Variants in EPS8L1 observed in about 807,000 individuals in gnomAD.
The protein encoded by EPS8L1 is EPS8 signaling adaptor L1.
Under a neutral mutation model 91.7 loss-of-function variants are expected in EPS8L1, and 101 were observed. That is an observed-to-expected ratio of 1.10 (90% CI 0.94 to 1.30). The LOEUF (loss-of-function observed/expected upper bound fraction) is 1.30. EPS8L1 is among the 50% of genes most tolerant of loss of function. The probability of loss-of-function intolerance (pLI) is 0.00; values close to 1 mark genes in which losing one functional copy is unlikely to be tolerated. For missense variants in EPS8L1, 1,114 were observed against 1,017.0 expected (o/e 1.10, Z -1.30); for synonymous variants, 506 against 445.3 (o/e 1.14, Z -1.72).
In EPS8L1 at chr19:55,081,704, G is replaced by A; in HGVS notation, c.775-69G>A. ...TCTGGGGAAGTGTATAGGTGCTCAG[G>A]TTCAGGGCTTCGACGGGGATGGTTT... On this transcript the variant is annotated intron_variant, in intron 8 of 19. Transcript: ENST00000201647. The surrounding 1 kb of genome is among the most constrained non-coding windows in gnomAD (Gnocchi z 4.9). The A allele has an allele frequency of 6.5e-7, 1 of 1,549,150 alleles. No homozygotes were observed. Among genetic ancestry groups the A allele is most frequent in the Non-Finnish European group, 8.7e-7 (1 of 1,145,942 alleles).
intron 11 of EPS8L1, 35 bp downstream of exon 11, chr19:55,082,384 A>C (rs1483686255): frequency 6.2e-7 from 1 of 1,612,448 alleles, no homozygotes; most frequent in African/African-American, 1.3e-5. Context: ...GCCCCCCTGC[A>C]GCGGGAGGAA....
intron 14 of EPS8L1, chr19:55,084,004 G>C (rs1176759976): frequency 3.8e-6 from 2 of 530,368 alleles, no homozygotes; most frequent in Non-Finnish European, 6.8e-6. Flanking sequence ...CCATGCCTGG[G>C]CTCCCTAGGA....
rs773912728 is a variant in EPS8L1, at chr19:55,079,030, G to A, written c.90G>A (p.Met30Ile). Residue 30 changes from methionine to isoleucine, a missense_variant, in exon 4 of 20, where the codon ATG becomes ATA. By Grantham distance (10) the Met-to-Ile change is conservative. Coordinates refer to ENST00000201647, the MANE Select transcript of EPS8L1 (RefSeq NM_133180.3). ...GGAAGCGTTACTCCACAGTTGTTAT[G>A]GCTGATGTATCCCAGTACCCAGTCA... ...EQRKRYSTVV[M>I]ADVSQYPVNH... The A allele has an allele frequency of 3.1e-6, 5 of 1,614,036 alleles. No homozygotes were observed. The South Asian group carries it at 4.4e-5, about 14-fold the overall frequency.
Position 55,083,456 on chromosome 19 carries a change from G to T in EPS8L1, c.1293G>T (p.Pro431=). The part of the protein sequence containing the change: ...FSGWEPPVTD[P]QSRAWEDPVE... Reference sequence around the variant, plus strand: ...GCTGGGAGCCGCCGGTCACTGACCCGCAGAGCCGCGCCTGGGAGGACCCAG... The same window carrying T: ...GCTGGGAGCCGCCGGTCACTGACCCTCAGAGCCGCGCCTGGGAGGACCCAG... The change falls in exon 13 of 20, where the codon CCG becomes CCT. Residue 431 remains proline, a synonymous_variant. Transcript: ENST00000201647. This position sits in a 1 kb window ranked among gnomAD's most constrained non-coding sequence, Gnocchi z 4.7. 1.9e-6 allele frequency: 3 copies of T among 1,612,506 alleles called. No individual in the cohort carries two copies. The highest frequency in any genetic ancestry group is 2.2e-5 in the South Asian group (2 of 91,038).
At position 55,081,612 on chromosome 19, in the gene EPS8L1, A is replaced by C. The variant is rs558496438; in HGVS notation, c.774+120A>C. ...CTCTGGTCAGACTTCTGCGTTATGG[A>C]AGAGGGGCTGGGTCGGGGGCGGGGC... is the stretch of plus-strand genomic sequence containing the variant. On this transcript the variant is annotated intron_variant, in intron 8 of 19. Transcript: ENST00000201647. This position sits in a 1 kb window ranked among gnomAD's most constrained non-coding sequence, Gnocchi z 4.9. The C allele has an allele frequency of 5.4e-5, 23 of 427,640 alleles. No individual in the cohort carries two copies. The highest frequency in any genetic ancestry group is 1.7e-3 in the Middle Eastern group (2 of 1,196). 26.5% of individuals were successfully genotyped at this position (427,640 alleles called of 1,614,324 possible).
At position 55,081,895 on chromosome 19, in the gene EPS8L1, TG is replaced by T. The variant is rs781169507; in HGVS notation, c.901+1del. 20 of 1,607,866 alleles carry T rather than the reference TG, an allele frequency of 1.2e-5. No individual in the cohort carries two copies. Among genetic ancestry groups the T allele is most frequent in the Non-Finnish European group, 1.6e-5 (19 of 1,176,534 alleles). On this transcript the variant is annotated frameshift_variant, in exon 9 of 20. Coordinates refer to ENST00000201647, the MANE Select transcript of EPS8L1 (RefSeq NM_133180.3). LOFTEE classifies it high-confidence loss of function. This position sits in a 1 kb window ranked among gnomAD's most constrained non-coding sequence, Gnocchi z 4.9. ...RGRRSRRRAA[G>X]EGLLTLRAKP... is the part of the protein sequence containing the mutation. The stretch of plus-strand genomic sequence containing the variant: ...GCCGCAGGAGCCGGCGCCGGGCGGC[TG>T]GGGGTAAGGGGCACCCTGGCGTGGG...
Position 55,085,845 on chromosome 19 carries a change from C to T in EPS8L1, c.1390C>T (p.Arg464Ter), listed in dbSNP as rs761533849. The T allele has an allele frequency of 1.9e-6, 3 of 1,612,226 alleles. No individual in the cohort carries two copies. Among genetic ancestry groups the T allele is most frequent in the Admixed American group, 1.7e-5 (1 of 59,938 alleles). ...SAPQVAVNGHRDLEPESEPQL... is the reference protein window; with the variant it reads ...SAPQVAVNGH ...AACCCTCCCGCTTCTCCTCAGTCAC[C>T]GAGACTTGGAGCCAGAATCTGAGCC... The change falls in exon 15 of 20, where the codon CGA (arginine) becomes TGA (stop). Residue 464 changes from arginine to a stop codon, truncating the protein, a stop_gained. Transcript: ENST00000201647. LOFTEE classifies it high-confidence loss of function.
intron 5 of EPS8L1, 51 bp downstream of exon 5, chr19:55,079,902 G>A: frequency 1.9e-6 from 3 of 1,543,990 alleles, no homozygotes; most frequent in South Asian, 2.4e-5. Flanking sequence ...GGACTTCAGG[G>A]GGTCTGGGTG....
Position 55,087,516 on chromosome 19 carries a change from C to T in EPS8L1, c.2086-12C>T, listed in dbSNP as rs560824162. 4 of 1,614,120 alleles carry T rather than the reference C, an allele frequency of 2.5e-6. No homozygotes were observed. The highest frequency in any genetic ancestry group is 1.3e-5 in the African/African-American group (1 of 75,030). On this transcript the variant is annotated splice_polypyrimidine_tract_variant and intron_variant, in intron 19 of 19. Coordinates refer to ENST00000201647, the MANE Select transcript of EPS8L1 (RefSeq NM_133180.3). ...GACGCCAGGACAAAGCGATTTCCAC[C>T]CCGCCCTCCAGGACAAAGAGAAAGT...
intron 7 of EPS8L1, 105 bp downstream of exon 7, chr19:55,080,959 C>T: frequency 9.0e-7 from 1 of 1,106,980 alleles, no homozygotes; most frequent in Non-Finnish European, 1.3e-6. Context: ...TGCATGGAGT[C>T]AAGCACACCC....
chr19:55,087,296 C>G lies in EPS8L1; in HGVS notation c.1953-7C>G, dbSNP rs920020019. On this transcript the variant is annotated splice_region_variant and splice_polypyrimidine_tract_variant and intron_variant, in intron 18 of 19. Transcript: ENST00000201647. ...GGCCTGACCGCGCCCGGGCTGCCCT[C>G]GCTCAGGACCGTGGACGCGCTGGGT... 3 of 1,597,846 alleles carry G rather than the reference C, an allele frequency of 1.9e-6. No individual in the cohort carries two copies. Among genetic ancestry groups the G allele is most frequent in the South Asian group, 2.2e-5 (2 of 89,540 alleles).
chr19:55,079,844 C>G lies in EPS8L1; in HGVS notation c.272C>G (p.Ala91Gly). Residue 91 changes from alanine to glycine, a missense_variant, in exon 5 of 20, where the codon GCC becomes GGC. Transcript: ENST00000201647. ...GACCATGTCACGCTGCTCGACCCGG[C>G]CTCCAAGGTGCCGGGGGGCACGTGG... ...SPDHVTLLDP[A>G]SKEELESYPL... The G allele has an allele frequency of 1.2e-6, 2 of 1,612,070 alleles. No individual in the cohort carries two copies. Among genetic ancestry groups the G allele is most frequent in the South Asian group, 2.2e-5 (2 of 90,690 alleles).
intron 2 of EPS8L1, among the ~76,000 whole-genome samples, chr19:55,077,584 CTTTTTTT>C (rs35750835): frequency 5.2e-5 from 4 of 76,878 alleles, no homozygotes; most frequent in South Asian, 5.2e-4. Context: ...CCTGACCTGT[CTTTTTTT>C]TTTTTTTTTT....
chr19:55,086,253 C>A, intron 16 of EPS8L1, 61 bp downstream of exon 16: 1 of 1,604,256 alleles, frequency 6.2e-7, no homozygotes, highest in South Asian at 1.1e-5. Flanking sequence ...ATCCTGGGAA[C>A]AAGGGGCGTG....
chr19:55,083,947 CAA>C lies in EPS8L1; in HGVS notation c.1385+306_1385+307del. ...CTGAGAGGTTGGATCCCTGGATCCC[CAA>C]AAGGCTGGAAGAAGCCAGTTTGTTT... On this transcript the variant is annotated intron_variant, in intron 14 of 19. Coordinates refer to ENST00000201647, the MANE Select transcript of EPS8L1 (RefSeq NM_133180.3). This position sits in a 1 kb window ranked among gnomAD's most constrained non-coding sequence, Gnocchi z 4.7. The C allele has an allele frequency of 1.7e-6, 1 of 598,242 alleles. No individual in the cohort carries two copies. The highest frequency in any genetic ancestry group is 3.0e-6 in the Non-Finnish European group (1 of 336,634). The allele number at this position is 598,242 out of a possible 1,614,324, so 37.1% of individuals were successfully genotyped here. A position where few individuals can be genotyped will look rare whatever the true frequency, so the allele number is the denominator to read the frequency against.
At chr19:55,078,270 TGG>T (rs2076174141) in intron 3 of EPS8L1, 142 bp downstream of exon 3, 1 of 367,766 alleles carries the variant, frequency 2.7e-6, no homozygotes, top group Admixed American at 5.6e-5. Context: ...TCTGGACTCC[TGG>T]GTCAGAGGGA....
rs756413444 is a variant in EPS8L1, at chr19:55,081,464, T to A, written c.746T>A (p.Leu249Gln). The A allele has an allele frequency of 6.3e-7, 1 of 1,594,516 alleles. No homozygotes were observed. Among genetic ancestry groups the A allele is most frequent in the Non-Finnish European group, 8.5e-7 (1 of 1,171,326 alleles). ...GACCTGGGTCCCCGGGGTCCTGACC[T>A]GGCGGTTCTGCAGGCGGAGCGGGAA... is the stretch of plus-strand genomic sequence containing the variant. ...SPDLGPRGPDLAVLQAEREVD... is the reference protein window; with the variant it reads ...SPDLGPRGPDQAVLQAEREVD... The change falls in exon 8 of 20, where the codon CTG (leucine) becomes CAG (glutamine). Residue 249 changes from leucine to glutamine, a missense_variant. Transcript: ENST00000201647. The surrounding 1 kb of genome is among the most constrained non-coding windows in gnomAD (Gnocchi z 4.9).
chr19:55,086,057 C>T lies in EPS8L1; in HGVS notation c.1519-4C>T, dbSNP rs2076348941. On this transcript the variant is annotated splice_polypyrimidine_tract_variant and splice_region_variant and intron_variant, in intron 15 of 19. Transcript: ENST00000201647. Reference sequence around the variant, plus strand: ...CTGAACCCTCTGTTCTTTACCACACCCAGGTCCTGGATGACAGTCGTAAGT... The same window carrying T: ...CTGAACCCTCTGTTCTTTACCACACTCAGGTCCTGGATGACAGTCGTAAGT... The T allele has an allele frequency of 6.3e-7, 1 of 1,594,726 alleles. No individual in the cohort carries two copies. Among genetic ancestry groups the T allele is most frequent in the African/African-American group, 1.3e-5 (1 of 74,710 alleles).
At position 55,082,292 on chromosome 19, in the gene EPS8L1, C is replaced by G; in HGVS notation, c.1008C>G (p.Asn336Lys). ...AFSLLARLRG[N>K]IADPSSPELL... ...CGCCCCAGGCCCGGCTGCGCGGCAA[C>G]ATCGCCGACCCCTCCTCTCCGGAGC... The change falls in exon 11 of 20, where the codon AAC becomes AAG. Residue 336 changes from asparagine (N) to lysine (K), a missense_variant. Transcript: ENST00000201647. 2.5e-6 allele frequency: 4 copies of G among 1,612,358 alleles called. No individual in the cohort carries two copies. Among genetic ancestry groups the G allele is most frequent in the Non-Finnish European group, 3.4e-6 (4 of 1,179,664 alleles).
Sources: allele counts gnomAD v4.1 joint callset (sites outside exome capture counted in the v4.1 genomes callset), GRCh38; gene constraint gnomAD v4.1.1; non-coding constraint Gnocchi (gnomAD v3.1); transcripts MANE v1.5; gene names NCBI Gene and HGNC (gene_info 2026-07-23, HGNC 2026-07-21).